Variants in CORO2B observed in about 807,000 individuals in gnomAD.
CORO2B encodes coronin-2B.
A neutral mutation model predicts 58.8 loss-of-function variants in CORO2B; 26 were observed. The observed-to-expected ratio is 0.44, with a 90% confidence interval of 0.32 to 0.61. CORO2B has a LOEUF of 0.61. Among genes scored for constraint, CORO2B ranks in the 20% least tolerant of loss-of-function variants. The probability of loss-of-function intolerance (pLI) is 0.04; values close to 1 mark genes in which losing one functional copy is unlikely to be tolerated. For missense variants in CORO2B, 460 were observed against 645.1 expected (o/e 0.71, Z 3.11); for synonymous variants, 242 against 253.8 (o/e 0.95, Z 0.44).
chr15:68,646,039 G>C (rs1180558682), intron 2 of CORO2B, among the ~76,000 whole-genome samples: 1 of 152,006 alleles, frequency 6.6e-6, no homozygotes, highest in Admixed American at 6.6e-5. Flanking sequence ...CTCCCAAAGT[G>C]CTGGGATTAC....
chr15:68,693,931 G>A (rs1438314980), intron 2 of CORO2B, among the ~76,000 whole-genome samples: 1 of 152,206 alleles, frequency 6.6e-6, no homozygotes, highest in Non-Finnish European at 1.5e-5. Context: ...CGCCTCCTGG[G>A]TTCAAGCGAT....
the CORO2B span, among the ~76,000 whole-genome samples, chr15:68,561,473 A>G: frequency 2.0e-5 from 3 of 152,124 alleles, no homozygotes; most frequent in East Asian, 5.8e-4. Context: ...CCTTCCAGCT[A>G]ACTGGGGCCC....
At chr15:68,629,290 G>A (rs1900763397) in intron 1 of CORO2B, among the ~76,000 whole-genome samples, 1 of 152,238 alleles carries the variant, frequency 6.6e-6, no homozygotes. Context: ...GGTTGTCAGA[G>A]TTGTGCCCTG....
chr15:68,524,331 T>A, the CORO2B span, among the ~76,000 whole-genome samples: 1 of 152,226 alleles, frequency 6.6e-6, no homozygotes, highest in Non-Finnish European at 1.5e-5. Context: ...CTCTTGTAGC[T>A]TTTAAAATCT....
intron 1 of CORO2B, among the ~76,000 whole-genome samples, chr15:68,613,093 A>G (rs1900277963): frequency 6.6e-6 from 1 of 152,172 alleles, no homozygotes; most frequent in African/African-American, 2.4e-5. Flanking sequence ...GTCTTTCTGG[A>G]GAGGTCCAGA....
rs576532988 is a variant in CORO2B at position 68,676,818 on chromosome 15, G to T, written c.217-18322G>T. Among the ~76,000 whole-genome samples, 21 of 151,080 alleles carry T rather than the reference G, an allele frequency of 1.4e-4. No individual in the cohort carries two copies. In the South Asian group the frequency reaches 4.4e-3, roughly 32 times the overall value. On this transcript the variant is annotated intron_variant, in intron 2 of 11. Coordinates refer to ENST00000261861, the MANE Select transcript of CORO2B (RefSeq NM_006091.5). ...ACAGAGTCATGCTCTGTCACCCAGG[G>T]TGGAGTACAGTGGCACCATCACGAC... is the stretch of plus-strand genomic sequence containing the variant.
chr15:68,619,191 C>T (rs1423820490), intron 1 of CORO2B, among the ~76,000 whole-genome samples: 2 of 152,086 alleles, frequency 1.3e-5, no homozygotes, highest in African/African-American at 2.4e-5. Flanking sequence ...AGCCCAGAGC[C>T]CCAATCTGTG....
rs1596032252 is a variant in CORO2B, at chr15:68,710,701, A to G, written c.334-31A>G. The G allele has an allele frequency of 6.4e-7, 1 of 1,551,406 alleles. No individual in the cohort carries two copies. The highest frequency in any genetic ancestry group is 1.4e-5 in the African/African-American group (1 of 73,764). On this transcript the variant is annotated intron_variant, in intron 3 of 11. Coordinates refer to ENST00000261861, the MANE Select transcript of CORO2B (RefSeq NM_006091.5). This position sits in a 1 kb window ranked among gnomAD's most constrained non-coding sequence, Gnocchi z 4.1. ...ATCAAGGGACTTCTTGGCCGTGTCC[A>G]CCCAGCCTGGACCCTCATCTCCCTC...
intron 1 of CORO2B, among the ~76,000 whole-genome samples, chr15:68,642,619 A>G (rs1901291152): frequency 6.6e-6 from 1 of 152,194 alleles, no homozygotes; most frequent in Admixed American, 6.5e-5. Context: ...GCTGCCTGGG[A>G]AAAGTGCAAA....
chr15:68,603,074 T>C (rs1359569151), intron 1 of CORO2B, among the ~76,000 whole-genome samples: 2 of 152,022 alleles, frequency 1.3e-5, no homozygotes, highest in Admixed American at 1.3e-4. Flanking sequence ...TCTGTTAGGA[T>C]AGGAGGTGAG....
the CORO2B span, among the ~76,000 whole-genome samples, chr15:68,559,107 G>T: frequency 5.3e-5 from 8 of 152,066 alleles, no homozygotes; most frequent in African/African-American, 9.7e-5. This position sits in a 1 kb window ranked among gnomAD's most constrained non-coding sequence, Gnocchi z 4.3. Flanking sequence ...GCGAAGTGTG[G>T]CTGGGCGTTG....
intron 1 of CORO2B, among the ~76,000 whole-genome samples, chr15:68,644,329 G>A (rs1047949580): frequency 2.0e-5 from 3 of 152,078 alleles, no homozygotes; most frequent in Non-Finnish European, 4.4e-5. Flanking sequence ...TCAAAATATT[G>A]GATTCAGTAG....
chr15:68,717,808 G>A (rs1183775256), intron 8 of CORO2B, among the ~76,000 whole-genome samples: 4 of 152,236 alleles, frequency 2.6e-5, no homozygotes, highest in African/African-American at 9.6e-5. Flanking sequence ...GCCCAGAGGA[G>A]GAGAGGCAGA....
At chr15:68,620,316 T>A (rs1900482819) in intron 1 of CORO2B, among the ~76,000 whole-genome samples, 1 of 152,244 alleles carries the variant, frequency 6.6e-6, no homozygotes, top group African/African-American at 2.4e-5. Flanking sequence ...TGTACAGATA[T>A]TTAAATGTTA....
the CORO2B span, among the ~76,000 whole-genome samples, chr15:68,527,300 AT>A: frequency 4.0e-5 from 6 of 150,628 alleles, no homozygotes; most frequent in African/African-American, 9.8e-5. Context: ...ATTTTCTTCT[AT>A]TTTTTTTTCC....
At chr15:68,604,327 A>G (rs1595962723) in intron 1 of CORO2B, among the ~76,000 whole-genome samples, 2 of 151,712 alleles carry the variant, frequency 1.3e-5, no homozygotes, top group Non-Finnish European at 2.9e-5. Context: ...GTCAGCCCCC[A>G]CCCCCAAACC....
chr15:68,654,413 G>A (rs1022610884), intron 2 of CORO2B, among the ~76,000 whole-genome samples: 1 of 152,202 alleles, frequency 6.6e-6, no homozygotes, highest in African/African-American at 2.4e-5. Context: ...AGCCAGGGAG[G>A]CTGGAAATTA....
At chr15:68,534,856 GAC>G in the CORO2B span, among the ~76,000 whole-genome samples, 2 of 152,298 alleles carry the variant, frequency 1.3e-5, no homozygotes, top group East Asian at 3.9e-4. Flanking sequence ...GAAGGCGAAA[GAC>G]ACATCTTATG....
chr15:68,680,401 A>C (rs1033864846), intron 2 of CORO2B, among the ~76,000 whole-genome samples: 1 of 152,210 alleles, frequency 6.6e-6, no homozygotes, highest in Non-Finnish European at 1.5e-5. Context: ...CGTGAAATAA[A>C]GCAAACAACG....
Sources: allele counts gnomAD v4.1 joint callset (sites outside exome capture counted in the v4.1 genomes callset), GRCh38; gene constraint gnomAD v4.1.1; non-coding constraint Gnocchi (gnomAD v3.1); transcripts MANE v1.5; gene names NCBI Gene and HGNC (gene_info 2026-07-23, HGNC 2026-07-21).